The following FAM3C variants were observed in gnomAD, a reference collection of about 807,000 sequenced individuals.
FAM3C encodes the protein FAM3 metabolism regulating signaling molecule C, also known as protein FAM3C.
A neutral mutation model predicts 32.5 loss-of-function variants in FAM3C; 15 were observed. The observed-to-expected ratio is 0.46, with a 90% CI of 0.31 to 0.71. The LOEUF is 0.71. Among genes scored for constraint, FAM3C ranks in the 30% least tolerant of loss-of-function variants. The pLI, the probability that FAM3C is intolerant of heterozygous loss-of-function variation, is 0.05. For synonymous variants in FAM3C, 75 were observed against 86.1 expected, an observed-to-expected ratio of 0.87 and a Z score of 0.72; for missense variants, 175 against 274.4, an observed-to-expected ratio of 0.64 and a Z score of 2.56.
chr7:121,351,224 T>C lies in FAM3C; in HGVS notation c.513A>G (p.Thr171=). 1 of 1,613,614 alleles carries C rather than the reference T, an allele frequency of 6.2e-7. No individual in the cohort carries two copies. Among genetic ancestry groups the C allele is most frequent in the Middle Eastern group, 1.7e-4 (1 of 6,060 alleles). ...CTCTAAAACCAAGATTAGTAATAGA[T>C]GTGCTCCCCAAATCAGCAATGAGCC... ...ARRLIADLGS[T]SITNLGFRDN... is the part of the protein sequence containing the mutation. Residue 171 remains threonine, a synonymous_variant, in exon 9 of 10, where the codon ACA becomes ACG. Transcript: ENST00000359943.
intron 5 of FAM3C, among the ~76,000 whole-genome samples, chr7:121,371,010 T>C (rs570239190): frequency 2.0e-5 from 3 of 152,318 alleles, no homozygotes; most frequent in East Asian, 3.9e-4. Context: ...TAGCCACATG[T>C]GTTCTGTTGC....
intron 8 of FAM3C, among the ~76,000 whole-genome samples, chr7:121,358,092 T>C (rs1793847660): frequency 6.6e-6 from 1 of 152,156 alleles, no homozygotes; most frequent in South Asian, 2.1e-4. Context: ...TTTAGGTAGA[T>C]GAAAATGCTT....
At chr7:121,371,089 T>A (rs1794135387) in intron 5 of FAM3C, among the ~76,000 whole-genome samples, 1 of 152,228 alleles carries the variant, frequency 6.6e-6, no homozygotes. Flanking sequence ...TAAAGCCGAA[T>A]AAGTGTTACG....
chr7:121,371,274 ATCGTC>A, intron 5 of FAM3C, 21 bp downstream of exon 5: 1 of 1,610,928 alleles, frequency 6.2e-7, no homozygotes, highest in Non-Finnish European at 8.5e-7. Context: ...AGCACACCTT[ATCGTC>A]TCAAGTCAAC....
chr7:121,351,338 A>T, intron 8 of FAM3C, 69 bp from the exon 9 acceptor site: 1 of 1,355,950 alleles, frequency 7.4e-7, no homozygotes, highest in Non-Finnish European at 9.9e-7. Flanking sequence ...GTTCACTGGG[A>T]TATTAACACA....
intron 5 of FAM3C, among the ~76,000 whole-genome samples, chr7:121,368,665 G>C (rs1009750028): frequency 2.0e-5 from 3 of 151,964 alleles, no homozygotes; most frequent in African/African-American, 7.3e-5. Context: ...TCAGAAAAAA[G>C]TCTCAACCCT....
At chr7:121,360,860 G>C (rs113657778) in intron 7 of FAM3C, among the ~76,000 whole-genome samples, 1 of 151,508 alleles carries the variant, frequency 6.6e-6, no homozygotes, top group South Asian at 2.1e-4. Context: ...AAACAAAAAC[G>C]AAACGAAAAA....
intron 8 of FAM3C, among the ~76,000 whole-genome samples, chr7:121,358,371 A>C (rs1301857078): frequency 6.6e-6 from 1 of 152,022 alleles, no homozygotes; most frequent in Non-Finnish European, 1.5e-5. Context: ...GTAGTATTAA[A>C]GCTCTGTCAA....
chr7:121,359,447 T>C (rs1037398025), intron 8 of FAM3C, among the ~76,000 whole-genome samples: 1 of 152,064 alleles, frequency 6.6e-6, no homozygotes, highest in Non-Finnish European at 1.5e-5. Context: ...GCATTCTAAA[T>C]ATTTAATGCC....
intron 2 of FAM3C, among the ~76,000 whole-genome samples, chr7:121,382,143 AAGGGTGGGGAAAAAC>A (rs1794370415): frequency 6.6e-6 from 1 of 152,110 alleles, no homozygotes; most frequent in Non-Finnish European, 1.5e-5. Flanking sequence ...GGTTGATGGG[AAGGGTGGGGAAAAAC>A]AGACTTATTT....
chr7:121,348,952 A>G lies in FAM3C; in HGVS notation c.*1509T>C, dbSNP rs923393683. On this transcript the variant is annotated 3_prime_UTR_variant, in exon 10 of 10. Coordinates refer to ENST00000359943, the MANE Select transcript of FAM3C (RefSeq NM_014888.3). ...TGTAAAATAACTATTCTTTTAATTT[A>G]CAGAATTGAGGGAAGTATTTTAAAT... 12 of 152,380 alleles carry G rather than the reference A, an allele frequency of 7.9e-5. No homozygotes were observed. The highest frequency in any genetic ancestry group is 3.9e-4 in the Admixed American group (6 of 15,258). The allele number at this position is 152,380 out of a possible 1,614,324, so 9.4% of individuals were successfully genotyped here.
chr7:121,372,241 A>G lies in FAM3C; in HGVS notation c.119-102T>C, dbSNP rs528713706. 1.9e-4 allele frequency: 140 copies of G among 730,338 alleles called. No individual in the cohort carries two copies. The South Asian group carries it at 2.3e-3, about 12-fold the overall frequency. The allele number at this position is 730,338 out of a possible 1,614,324, so 45.2% of individuals were successfully genotyped here. A position where few individuals can be genotyped will look rare whatever the true frequency, so the allele number is the denominator to read the frequency against. On this transcript the variant is annotated intron_variant, in intron 3 of 9. Transcript: ENST00000359943. ...CACAAAAATAAGTGTTCAAATAATG[A>G]TTCAGTATACAATAAAACATGAATA...
chr7:121,366,440 A>G (rs921040985), intron 5 of FAM3C, among the ~76,000 whole-genome samples: 6 of 152,180 alleles, frequency 3.9e-5, no homozygotes, highest in Non-Finnish European at 8.8e-5. Flanking sequence ...ACAAAAGACC[A>G]AATATTATAT....
At position 121,390,853 on chromosome 7, in the gene FAM3C, CGGGGGGGGGGGGGG is replaced by C. The variant is rs58750532; in HGVS notation, c.-42+5295_-42+5308del. 3.4e-3 allele frequency among the ~76,000 whole-genome samples: 25 copies of C among 7,440 alleles called. 8 individuals carry two copies. Among genetic ancestry groups the C allele is most frequent in the Non-Finnish European group, 9.0e-3 (16 of 1,780 alleles). 4.9% of individuals were successfully genotyped at this position (7,440 alleles called of 152,430 possible). On this transcript the variant is annotated intron_variant, in intron 1 of 9. Coordinates refer to ENST00000359943, the MANE Select transcript of FAM3C (RefSeq NM_014888.3). Reference sequence around the variant, plus strand: ...CACACACAGGAAAGGCTGTGTGGGGCGGGGGGGGGGGGGGGGGGGAAGGTAAGGCAGATCTAAAC... The same window carrying C: ...CACACACAGGAAAGGCTGTGTGGGGCGGGGGAAGGTAAGGCAGATCTAAAC...
At chr7:121,370,476 AATTT>A (rs1184563387) in intron 5 of FAM3C, among the ~76,000 whole-genome samples, 1 of 152,160 alleles carries the variant, frequency 6.6e-6, no homozygotes, top group African/African-American at 2.4e-5. Context: ...ATTCGTGACA[AATTT>A]ATTATTTTAT....
At chr7:121,362,569 T>C (rs2116892468) in intron 7 of FAM3C, 1 of 225,826 alleles carries the variant, frequency 4.4e-6, no homozygotes, top group African/African-American at 2.3e-5. Context: ...ATTACTTTTT[T>C]TTTTTAAATT....
intron 3 of FAM3C, among the ~76,000 whole-genome samples, chr7:121,375,814 C>T (rs1396639736): frequency 2.0e-5 from 3 of 152,190 alleles, no homozygotes; most frequent in Non-Finnish European, 4.4e-5. Context: ...CTCCCTTCTC[C>T]CAAACATCCT....
intron 1 of FAM3C, among the ~76,000 whole-genome samples, chr7:121,395,671 G>A (rs528153139): frequency 1.6e-3 from 245 of 152,176 alleles, no homozygotes; most frequent in South Asian, 5.8e-3. Flanking sequence ...TGGATAGCTT[G>A]TAAAAAACCA....
chr7:121,383,399 A>G (rs2116950372), intron 1 of FAM3C, among the ~76,000 whole-genome samples: 1 of 152,286 alleles, frequency 6.6e-6, no homozygotes, highest in East Asian at 1.9e-4. Context: ...GGAACAAATT[A>G]TTTGTAGACA....
Sources: allele counts gnomAD v4.1 joint callset (sites outside exome capture counted in the v4.1 genomes callset), GRCh38; gene constraint gnomAD v4.1.1; transcripts MANE v1.5; gene names NCBI Gene and HGNC (gene_info 2026-07-23, HGNC 2026-07-21).